The following CLUAP1 variants were observed in gnomAD, a reference collection of about 807,000 sequenced individuals.
CLUAP1 encodes clusterin-associated protein 1.
A neutral mutation model predicts 55.0 loss-of-function variants in CLUAP1; 50 were observed. The ratio of observed to expected loss-of-function variants is 0.91; its 90% CI spans 0.72 to 1.15. The LOEUF is 1.15. CLUAP1 is among the 50% of genes most tolerant of loss of function. CLUAP1 has a pLI of 0.00. For synonymous variants in CLUAP1, 195 were observed against 175.4 expected (o/e 1.11, Z -0.88); for missense variants, 530 against 507.6 (o/e 1.04, Z -0.42).
intron 4 of CLUAP1, 60 bp from the exon 5 acceptor site, chr16:3,512,323 C>G: frequency 7.6e-7 from 1 of 1,319,084 alleles, no homozygotes; most frequent in Non-Finnish European, 1.1e-6. Context: ...TAGCCAAGAC[C>G]CTGTCTCTAT....
the CLUAP1 span, chr16:3,495,560 C>A: frequency 6.7e-7 from 1 of 1,486,828 alleles, no homozygotes; most frequent in South Asian, 1.3e-5. Context: ...CCCAGCCTTC[C>A]TGGACCCCTA....
rs746444697 is a variant in CLUAP1 at position 3,530,655 on chromosome 16, C to G, written c.1016C>G (p.Ala339Gly). 2 of 1,613,902 alleles carry G rather than the reference C, an allele frequency of 1.2e-6. No individual in the cohort carries two copies. The highest frequency in any genetic ancestry group is 1.7e-6 in the Non-Finnish European group (2 of 1,179,854). ...EERRLPKPQT[A>G]MEMLMQGRPG... ...AGGCGGCTGCCCAAGCCACAGACAG[C>G]CATGGAGATGCTCATGCAAGGTACC... Residue 339 changes from alanine to glycine, a missense_variant, in exon 10 of 12, where the codon GCC becomes GGC. Coordinates refer to ENST00000576634, the MANE Select transcript of CLUAP1 (RefSeq NM_015041.3).
chr16:3,537,637 C>G lies in CLUAP1; in HGVS notation c.*1366C>G, dbSNP rs1264665464. 7.9e-5 allele frequency: 12 copies of G among 151,968 alleles called. No homozygotes were observed. The highest frequency in any genetic ancestry group is 7.9e-4 in the Admixed American group (12 of 15,230). The allele number at this position is 151,968 out of a possible 1,614,324, so 9.4% of individuals were successfully genotyped here. ...TGAGCCGTGATCATGCCACTGCACT[C>G]CAGCCTGGGTGACAGAGTGAGACCC... is the stretch of plus-strand genomic sequence containing the variant. On this transcript the variant is annotated 3_prime_UTR_variant, in exon 12 of 12. Transcript: ENST00000576634.
intron 8 of CLUAP1, 56 bp downstream of exon 8, chr16:3,523,355 GGGTGACA>G: frequency 6.6e-7 from 1 of 1,526,138 alleles, no homozygotes; most frequent in Non-Finnish European, 8.8e-7. Flanking sequence ...ATTTTGTACT[GGGTGACA>G]GGTCATTTTG....
intron 9 of CLUAP1, among the ~76,000 whole-genome samples, chr16:3,530,102 G>C (rs1275009408): frequency 4.6e-5 from 7 of 150,906 alleles, no homozygotes; most frequent in Non-Finnish European, 1.0e-4. Flanking sequence ...AGGGCAAAGA[G>C]AGGGCGAGAG....
intron 8 of CLUAP1, 27 bp from the exon 9 acceptor site, chr16:3,526,385 C>A (rs777217993): frequency 1.3e-6 from 2 of 1,549,968 alleles, no homozygotes; most frequent in South Asian, 1.2e-5. Context: ...GGCCATCTCT[C>A]CTGAGTCTGT....
the CLUAP1 span, chr16:3,495,431 G>T: frequency 1.2e-6 from 2 of 1,609,506 alleles, no homozygotes; most frequent in African/African-American, 1.3e-5. Flanking sequence ...TGGAGGGCCA[G>T]TGTGGTGGGG....
At chr16:3,527,098 C>G (rs931921169) in intron 9 of CLUAP1, among the ~76,000 whole-genome samples, 4 of 152,170 alleles carry the variant, frequency 2.6e-5, no homozygotes, top group African/African-American at 4.8e-5. Flanking sequence ...GGCAGCTTCC[C>G]TTATCCTTGT....
At chr16:3,504,422 G>C (rs927199030) in intron 1 of CLUAP1, among the ~76,000 whole-genome samples, 3 of 152,080 alleles carry the variant, frequency 2.0e-5, no homozygotes, top group African/African-American at 7.2e-5. Flanking sequence ...CTTCCTTTTA[G>C]CAGTAAAAAG....
At chr16:3,523,385 T>TG (rs1393531711) in intron 8 of CLUAP1, 86 bp downstream of exon 8, 6 of 1,430,602 alleles carry the variant, frequency 4.2e-6, no homozygotes, top group African/African-American at 1.4e-5. Flanking sequence ...AATATCATTG[T>TG]GAAAAAAATA....
chr16:3,530,663 A>G lies in CLUAP1; in HGVS notation c.1024A>G (p.Met342Val), dbSNP rs775960889. The change falls in exon 10 of 12, where the codon ATG becomes GTG. Residue 342 changes from methionine to valine, a missense_variant. Coordinates refer to ENST00000576634, the MANE Select transcript of CLUAP1 (RefSeq NM_015041.3). ...RLPKPQTAMEMLMQGRPGKRI... is the reference protein window; with the variant it reads ...RLPKPQTAMEVLMQGRPGKRI... The stretch of plus-strand genomic sequence containing the variant: ...GCCCAAGCCACAGACAGCCATGGAG[A>G]TGCTCATGCAAGGTACCCCGGCGTC... 4.3e-6 allele frequency: 7 copies of G among 1,613,700 alleles called. No homozygotes were observed. Among genetic ancestry groups the G allele is most frequent in the South Asian group, 1.1e-5 (1 of 91,074 alleles).
intron 1 of CLUAP1, 150 bp downstream of exon 1, chr16:3,501,239 G>A (rs1003435943): frequency 5.2e-6 from 4 of 775,356 alleles, no homozygotes; most frequent in Non-Finnish European, 8.2e-6. Context: ...CTGACCCGCG[G>A]CTGCAACCCG....
intron 5 of CLUAP1, 40 bp from the exon 6 acceptor site, chr16:3,515,468 T>A: frequency 1.4e-6 from 2 of 1,460,170 alleles, no homozygotes; most frequent in Non-Finnish European, 1.9e-6. Context: ...TGAGAACTCC[T>A]TTTCTGAAAA....
At chr16:3,526,130 C>T (rs1312411628) in intron 8 of CLUAP1, among the ~76,000 whole-genome samples, 1 of 152,134 alleles carries the variant, frequency 6.6e-6, no homozygotes, top group African/African-American at 2.4e-5. Flanking sequence ...TTTAGTTCTC[C>T]TCAGAGGCAG....
chr16:3,533,463 G>A lies in CLUAP1; in HGVS notation c.1092+622G>A, dbSNP rs992824207. 1.3e-5 allele frequency: 5 copies of A among 394,938 alleles called. No individual in the cohort carries two copies. In the South Asian group the frequency reaches 1.5e-4, roughly 12 times the overall value. The allele number at this position is 394,938 out of a possible 1,614,324, so 24.5% of individuals were successfully genotyped here. ...CCCCTCCCTGTTCTGTGCTGGGGAC[G>A]GAATGGTGAAGCAGCACTGTCCCCA... On this transcript the variant is annotated intron_variant, in intron 11 of 11. Coordinates refer to ENST00000576634, the MANE Select transcript of CLUAP1 (RefSeq NM_015041.3).
At chr16:3,496,860 CT>C (rs924277184), upstream of CLUAP1, 5 of 260,808 alleles carry the variant, frequency 1.9e-5, no homozygotes, top group Admixed American at 9.2e-5. Context: ...CCTGATTTTT[CT>C]TTTTTTCTTT....
chr16:3,500,399 C>G (rs1310223657), upstream of CLUAP1, among the ~76,000 whole-genome samples: 1 of 139,912 alleles, frequency 7.1e-6, no homozygotes, highest in Non-Finnish European at 1.5e-5. Flanking sequence ...GAGACAGAGT[C>G]TCGCTCTGTC....
At chr16:3,501,645 G>T (rs1176902886) in intron 1 of CLUAP1, among the ~76,000 whole-genome samples, 2 of 152,152 alleles carry the variant, frequency 1.3e-5, no homozygotes, top group Non-Finnish European at 2.9e-5. Flanking sequence ...AGCCGGGGGT[G>T]GTGGCGGGCG....
rs749901486 is a variant in CLUAP1, at chr16:3,512,455, C to T, written c.472C>T (p.Leu158Phe). ...CAAAGGAGCATCTCTGTATGACTTGCTCGGCATGGAAGTAGAGTTGAGGGT... is the reference window on the plus strand; with the variant it reads ...CAAAGGAGCATCTCTGTATGACTTGTTCGGCATGGAAGTAGAGTTGAGGGT... Reference protein sequence around the residue: ...TSKGASLYDLLGMEVELREMR... With the variant: ...TSKGASLYDLFGMEVELREMR... The change falls in exon 5 of 12, where the codon CTC (leucine) becomes TTC (phenylalanine). Residue 158 changes from leucine (L) to phenylalanine (F), a missense_variant. By Grantham distance (22) the Leu-to-Phe change is conservative. Coordinates refer to ENST00000576634, the MANE Select transcript of CLUAP1 (RefSeq NM_015041.3). 2 of 1,613,904 alleles carry T rather than the reference C, an allele frequency of 1.2e-6. No individual in the cohort carries two copies. The highest frequency in any genetic ancestry group is 2.2e-5 in the South Asian group (2 of 91,070).
Sources: gnomAD v4.1 joint callset for allele counts (sites outside exome capture counted in the v4.1 genomes callset) on GRCh38, gnomAD v4.1.1 for gene constraint, MANE v1.5 for transcripts, NCBI Gene and HGNC (gene_info 2026-07-23, HGNC 2026-07-21) for gene names.